PRKAR1A: variants seen among roughly 807,000 people sequenced by gnomAD.
PRKAR1A encodes cAMP-dependent protein kinase type I-alpha regulatory subunit.
Under a neutral mutation model 52.0 loss-of-function variants are expected in PRKAR1A, and 3 were observed. That is an observed-to-expected ratio of 0.06 (90% CI 0.03 to 0.15). The LOEUF (loss-of-function observed/expected upper bound fraction) is 0.15. Among genes scored for constraint, PRKAR1A ranks in the 10% least tolerant of loss-of-function variants. The pLI is 1.00. For missense variants in PRKAR1A, 240 were observed against 477.4 expected (o/e 0.50, Z 4.63); for synonymous variants, 188 against 168.4 (o/e 1.12, Z -0.90).
At chr17:68,457,282 AC>A in the PRKAR1A span, 1 of 1,521,180 alleles carries the variant, frequency 6.6e-7, no homozygotes, top group Non-Finnish European at 8.8e-7. Flanking sequence ...TCAGGACGAC[AC>A]CCCTGGGTCC....
intron 4 of PRKAR1A, 70 bp from the exon 5 acceptor site, chr17:68,523,946 C>G: frequency 6.3e-7 from 1 of 1,596,218 alleles, no homozygotes; most frequent in Non-Finnish European, 8.6e-7. Context: ...GTCTTTAATT[C>G]TAAGCTTAAT....
the PRKAR1A span, chr17:68,414,119 T>G: frequency 6.4e-6 from 1 of 155,430 alleles, no homozygotes; most frequent in Non-Finnish European, 1.4e-5. Flanking sequence ...GCTGTTCCTA[T>G]TCGGCTATCT....
chr17:68,437,003 A>AT, the PRKAR1A span, among the ~76,000 whole-genome samples: 36 of 60,392 alleles, frequency 6.0e-4, no homozygotes, highest in East Asian at 9.4e-3. Flanking sequence ...CAAAAAAAAA[A>AT]AAATATATAT....
Position 68,540,777 on chromosome 17 carries a change from C to T in PRKAR1A, c.974-10307C>T, listed in dbSNP as rs1360483958. 7 of 1,540,802 alleles carry T rather than the reference C, an allele frequency of 4.5e-6. No homozygotes were observed. The East Asian group carries it at 1.2e-4, about 27-fold the overall frequency. ...TCATGAACCAGGTTGTAAGTTTGTGCTCAAGGTCACGGGGAACCCTAGCCA... is the reference window on the plus strand; with the variant it reads ...TCATGAACCAGGTTGTAAGTTTGTGTTCAAGGTCACGGGGAACCCTAGCCA... On this transcript the variant is annotated intron_variant, in intron 11 of 11. Coordinates refer to the PRKAR1A transcript ENST00000585981.
At chr17:68,471,585 C>A in the PRKAR1A span, among the ~76,000 whole-genome samples, 3 of 152,092 alleles carry the variant, frequency 2.0e-5, no homozygotes, top group African/African-American at 4.8e-5. Flanking sequence ...TCCTCCTTTC[C>A]GTTCCGTCTC....
chr17:68,440,576 C>A, the PRKAR1A span: 1 of 152,264 alleles, frequency 6.6e-6, no homozygotes. Flanking sequence ...TTCTTCCAGT[C>A]TTTTTTCTAC....
At chr17:68,465,164 C>A in the PRKAR1A span, among the ~76,000 whole-genome samples, 1 of 152,126 alleles carries the variant, frequency 6.6e-6, no homozygotes, top group Non-Finnish European at 1.5e-5. Flanking sequence ...CATCACCTGA[C>A]CTCGTGATCT....
the PRKAR1A span, chr17:68,428,992 G>A: frequency 8.0e-6 from 11 of 1,371,200 alleles, no homozygotes; most frequent in East Asian, 9.3e-5. Flanking sequence ...CGATGGATTC[G>A]CTTCCAATGA....
chr17:68,504,036 T>C, the PRKAR1A span, among the ~76,000 whole-genome samples: 2 of 152,184 alleles, frequency 1.3e-5, no homozygotes, highest in South Asian at 4.1e-4. Flanking sequence ...ATCCCACTGC[T>C]AGGTACATAC....
chr17:68,434,137 TG>T, the PRKAR1A span, among the ~76,000 whole-genome samples: 2 of 152,180 alleles, frequency 1.3e-5, no homozygotes, highest in African/African-American at 4.8e-5. Context: ...GGAGGAACTG[TG>T]CCTTCCTGGC....
chr17:68,526,892 G>T (rs2085809095), intron 7 of PRKAR1A, among the ~76,000 whole-genome samples: 1 of 152,118 alleles, frequency 6.6e-6, no homozygotes, highest in Non-Finnish European at 1.5e-5. Context: ...TATATAACCT[G>T]CACATGTACC....
At chr17:68,483,590 G>A in the PRKAR1A span, among the ~76,000 whole-genome samples, 33,529 of 151,642 alleles carry the variant, frequency 0.22, 3,895 homozygotes, top group South Asian at 0.25. Context: ...GGCCAGGTGC[G>A]GTGGCTCATG....
At chr17:68,445,135 G>A in the PRKAR1A span, among the ~76,000 whole-genome samples, 1 of 152,008 alleles carries the variant, frequency 6.6e-6, no homozygotes, top group Admixed American at 6.6e-5. Context: ...GATCAGGCTG[G>A]TCTCGAACTC....
At chr17:68,451,329 G>A in the PRKAR1A span, among the ~76,000 whole-genome samples, 1 of 152,186 alleles carries the variant, frequency 6.6e-6, no homozygotes, top group African/African-American at 2.4e-5. Context: ...AGCTACTCGG[G>A]AGGCTGAGGC....
chr17:68,508,444 G>A (rs1474883581), upstream of PRKAR1A, among the ~76,000 whole-genome samples: 7 of 152,116 alleles, frequency 4.6e-5, no homozygotes, highest in Admixed American at 3.9e-4. Context: ...GAAAACTACC[G>A]CATGTTCTCA....
chr17:68,527,913 G>C lies in PRKAR1A; in HGVS notation c.769+13G>C, dbSNP rs1342588174. On this transcript the variant is annotated intron_variant, in intron 8 of 10. Transcript: ENST00000589228. Reference sequence around the variant, plus strand: ...GTCTCTATTTTAGGTGAGTTGTAAAGTGTGTTAACTTTGCTAGTATGTGAG... The same window carrying C: ...GTCTCTATTTTAGGTGAGTTGTAAACTGTGTTAACTTTGCTAGTATGTGAG... The C allele has an allele frequency of 1.2e-6, 2 of 1,602,344 alleles. No individual in the cohort carries two copies. The highest frequency in any genetic ancestry group is 2.2e-5 in the South Asian group (2 of 90,808).
intron 6 of PRKAR1A, 140 bp downstream of exon 6, chr17:68,525,098 T>C: frequency 1.4e-6 from 1 of 718,816 alleles, no homozygotes; most frequent in South Asian, 1.8e-5. Flanking sequence ...GCCAAGTATT[T>C]TTATGACACA....
the PRKAR1A span, among the ~76,000 whole-genome samples, chr17:68,461,865 A>G: frequency 0.24 from 37,102 of 151,914 alleles, 4,948 homozygotes; most frequent in Non-Finnish European, 0.3. The surrounding 1 kb of genome is among the most constrained non-coding windows in gnomAD (Gnocchi z 4.6). Context: ...CTGGGAAAGG[A>G]GATGATCGAA....
the PRKAR1A span, chr17:68,450,683 C>T: frequency 6.4e-7 from 1 of 1,557,714 alleles, no homozygotes; most frequent in East Asian, 2.3e-5. Context: ...TTGTTTGGCT[C>T]CCGTTAGCAG....
Sources: gnomAD v4.1 joint callset for allele counts (sites outside exome capture counted in the v4.1 genomes callset) on GRCh38, gnomAD v4.1.1 for gene constraint, Gnocchi (gnomAD v3.1) non-coding constraint, MANE v1.5 for transcripts, NCBI Gene and HGNC (gene_info 2026-07-23, HGNC 2026-07-21) for gene names.